VAT1L: variants seen among roughly 807,000 people sequenced by gnomAD.
VAT1L encodes vesicle amine transport 1 like.
Under a neutral mutation model 44.1 loss-of-function variants are expected in VAT1L, and 34 were observed. The ratio of observed to expected loss-of-function variants is 0.77; its 90% CI spans 0.59 to 1.03. The LOEUF (loss-of-function observed/expected upper bound fraction) is 1.03. VAT1L is among the 50% of genes least tolerant of loss of function. The probability of loss-of-function intolerance (pLI) is 0.00; values close to 1 mark genes in which losing one functional copy is unlikely to be tolerated. For synonymous variants in VAT1L, 253 were observed against 202.2 expected (o/e 1.25, Z -2.13); for missense variants, 615 against 538.8 (o/e 1.14, Z -1.40).
chr16:77,802,615 AACACACACACACACACACACAC>A (rs57906062), intron 1 of VAT1L, among the ~76,000 whole-genome samples: 36 of 112,046 alleles, frequency 3.2e-4, no homozygotes, highest in South Asian at 8.7e-4. Context: ...CCCCATCTCA[AACACACACACACACACACACAC>A]ACACACACAC....
At chr16:77,910,170 G>A (rs1188964027) in intron 7 of VAT1L, among the ~76,000 whole-genome samples, 3 of 152,314 alleles carry the variant, frequency 2.0e-5, no homozygotes, top group African/African-American at 4.8e-5. Flanking sequence ...TCTGGCTAGG[G>A]CCCCAGAACC....
intron 7 of VAT1L, among the ~76,000 whole-genome samples, chr16:77,955,931 T>C (rs1401613717): frequency 6.6e-6 from 1 of 152,166 alleles, no homozygotes; most frequent in East Asian, 1.9e-4. Context: ...CCTGTGGTTG[T>C]ATGAAGCGGG....
chr16:77,934,796 T>C (rs931120115), intron 7 of VAT1L, among the ~76,000 whole-genome samples: 1 of 152,164 alleles, frequency 6.6e-6, no homozygotes, highest in African/African-American at 2.4e-5. Context: ...GTGTGATATA[T>C]TGAGTTTCAC....
At chr16:77,963,741 C>G (rs2018189942) in intron 7 of VAT1L, among the ~76,000 whole-genome samples, 1 of 151,732 alleles carries the variant, frequency 6.6e-6, no homozygotes, top group South Asian at 2.1e-4. Context: ...ACAGTACAGG[C>G]TGGGTCCTCA....
intron 2 of VAT1L, among the ~76,000 whole-genome samples, chr16:77,824,534 T>C (rs912628544): frequency 3.9e-5 from 6 of 152,084 alleles, no homozygotes; most frequent in Admixed American, 3.9e-4. Flanking sequence ...GACAGGCGGA[T>C]CATGGGGTCA....
intron 7 of VAT1L, among the ~76,000 whole-genome samples, chr16:77,927,576 C>CA (rs1432205489): frequency 2.6e-5 from 4 of 151,792 alleles, no homozygotes; most frequent in African/African-American, 9.7e-5. Flanking sequence ...ATTTGCACCT[C>CA]AAAAAAATTG....
At chr16:77,807,311 T>A (rs2016179188) in intron 1 of VAT1L, among the ~76,000 whole-genome samples, 1 of 152,196 alleles carries the variant, frequency 6.6e-6, no homozygotes, top group Non-Finnish European at 1.5e-5. Context: ...TCACAGCTGG[T>A]TTCTCCTGAG....
intron 7 of VAT1L, among the ~76,000 whole-genome samples, chr16:77,968,205 G>A (rs1455207796): frequency 6.6e-6 from 1 of 152,120 alleles, no homozygotes; most frequent in Non-Finnish European, 1.5e-5. Context: ...TTCTCACAAG[G>A]CTGCAATTGG....
chr16:77,881,737 G>A (rs2017157833), intron 6 of VAT1L, among the ~76,000 whole-genome samples: 1 of 152,234 alleles, frequency 6.6e-6, no homozygotes, highest in Non-Finnish European at 1.5e-5. Context: ...GACAGGAGGA[G>A]CAAGAATGGA....
At chr16:77,972,544 G>A (rs1296987948) in intron 8 of VAT1L, among the ~76,000 whole-genome samples, 4 of 152,198 alleles carry the variant, frequency 2.6e-5, no homozygotes, top group Non-Finnish European at 5.9e-5. Context: ...ACTTGGGGAG[G>A]CTGAGGCGGG....
intron 7 of VAT1L, among the ~76,000 whole-genome samples, chr16:77,964,619 A>C (rs1001045366): frequency 2.6e-5 from 4 of 152,060 alleles, no homozygotes; most frequent in Admixed American, 6.5e-5. Flanking sequence ...GTCAGGTAAC[A>C]AACATATCCT....
At position 77,900,387 on chromosome 16, in the gene VAT1L, C is replaced by T. The variant is rs1214506663; in HGVS notation, c.1077+15585C>T. Among the ~76,000 whole-genome samples, 7 of 151,780 alleles carry T rather than the reference C, an allele frequency of 4.6e-5. No homozygotes were observed. In the South Asian group the frequency reaches 1.5e-3, roughly 32 times the overall value. The stretch of plus-strand genomic sequence containing the variant: ...TATATAAATATATAACTACAATATA[C>T]AACATTTAGAAAATAGGAAAAAAGG... On this transcript the variant is annotated intron_variant, in intron 7 of 8. Coordinates refer to ENST00000302536, the MANE Select transcript of VAT1L (RefSeq NM_020927.3).
chr16:77,892,529 C>T lies in VAT1L; in HGVS notation c.1077+7727C>T, dbSNP rs545749552. 47 of 571,128 alleles carry T rather than the reference C, an allele frequency of 8.2e-5. No homozygotes were observed. The East Asian group carries it at 1.1e-3, about 13-fold the overall frequency. 35.4% of individuals were successfully genotyped at this position (571,128 alleles called of 1,614,324 possible). On this transcript the variant is annotated intron_variant, in intron 7 of 8. Transcript: ENST00000302536. ...GTTTCCAAAGACAGCAGAAAAATTT[C>T]GTGCTCTAAGCCCTGGAGAGGAAGG... is the stretch of plus-strand genomic sequence containing the variant.
At chr16:77,857,776 TTA>T (rs2016874052) in intron 3 of VAT1L, among the ~76,000 whole-genome samples, 2 of 150,822 alleles carry the variant, frequency 1.3e-5, no homozygotes. Context: ...TACTCACATA[TTA>T]TATGTTATAT....
intron 3 of VAT1L, among the ~76,000 whole-genome samples, chr16:77,855,557 G>A (rs939203729): frequency 6.6e-6 from 1 of 152,130 alleles, no homozygotes; most frequent in African/African-American, 2.4e-5. Flanking sequence ...TAGTGGTTCA[G>A]TGGAATTGGT....
At chr16:77,962,468 C>A (rs559759965) in intron 7 of VAT1L, among the ~76,000 whole-genome samples, 11 of 152,162 alleles carry the variant, frequency 7.2e-5, no homozygotes, top group African/African-American at 2.4e-4. Context: ...CTAAGTGGGG[C>A]CCAGGTCTCA....
chr16:77,921,839 G>T (rs1383980398), intron 7 of VAT1L, among the ~76,000 whole-genome samples: 1 of 151,620 alleles, frequency 6.6e-6, no homozygotes, highest in Admixed American at 6.6e-5. Context: ...TACCTCCCAG[G>T]CTCAAGCAAT....
At chr16:77,926,201 C>A (rs995882955) in intron 7 of VAT1L, among the ~76,000 whole-genome samples, 4 of 144,730 alleles carry the variant, frequency 2.8e-5, no homozygotes, top group Admixed American at 7.0e-5. Context: ...TGCAGTGAGC[C>A]GAGATCGCAC....
intron 3 of VAT1L, among the ~76,000 whole-genome samples, chr16:77,831,843 T>A (rs1428224822): frequency 6.6e-6 from 1 of 151,956 alleles, no homozygotes; most frequent in Non-Finnish European, 1.5e-5. Context: ...GGAGATGGAG[T>A]CTCACTCTGT....
Sources: gnomAD v4.1 joint callset for allele counts (sites outside exome capture counted in the v4.1 genomes callset) on GRCh38, gnomAD v4.1.1 for gene constraint, MANE v1.5 for transcripts, NCBI Gene and HGNC (gene_info 2026-07-23, HGNC 2026-07-21) for gene names.